The following CHRNA7 variants were observed in gnomAD, a reference collection of about 807,000 sequenced individuals.
The protein encoded by CHRNA7 is cholinergic receptor nicotinic alpha 7 subunit, also known as neuronal acetylcholine receptor subunit alpha-7.
A neutral mutation model predicts 48.0 loss-of-function variants in CHRNA7; 17 were observed. The observed-to-expected ratio is 0.35, with a 90% CI of 0.24 to 0.53. The LOEUF is 0.53. Ranked by LOEUF, CHRNA7 falls within the 20% of genes least tolerant of loss-of-function variation. The pLI, the probability that CHRNA7 is intolerant of heterozygous loss-of-function variation, is 0.92. For missense variants in CHRNA7, 155 were observed against 577.7 expected (o/e 0.27, Z 7.50); for synonymous variants, 75 against 242.3 (o/e 0.31, Z 6.41).
chr15:32,152,313 C>G (rs1054634075), intron 4 of CHRNA7, among the ~76,000 whole-genome samples: 1 of 152,058 alleles, frequency 6.6e-6, no homozygotes, highest in Non-Finnish European at 1.5e-5. Flanking sequence ...AGTGGTGGCA[C>G]GCACCTGTAA....
intron 2 of CHRNA7, among the ~76,000 whole-genome samples, chr15:32,031,465 C>T (rs1270279889): frequency 6.6e-6 from 1 of 152,216 alleles, no homozygotes; most frequent in African/African-American, 2.4e-5. Context: ...TATGTAACTT[C>T]TTTGGTGGGG....
At chr15:32,090,198 G>A (rs1182177527) in intron 2 of CHRNA7, among the ~76,000 whole-genome samples, 3 of 152,168 alleles carry the variant, frequency 2.0e-5, no homozygotes, top group Non-Finnish European at 4.4e-5. Flanking sequence ...GGCTGCTGGA[G>A]TGGGACCAGT....
intron 2 of CHRNA7, among the ~76,000 whole-genome samples, chr15:32,094,504 G>C (rs1476047670): frequency 1.3e-5 from 2 of 152,122 alleles, no homozygotes; most frequent in Non-Finnish European, 2.9e-5. Context: ...CAGTAATTAT[G>C]TGCCACCCCT....
chr15:32,066,577 G>A (rs746588961), intron 2 of CHRNA7, among the ~76,000 whole-genome samples: 17 of 152,178 alleles, frequency 1.1e-4, no homozygotes, highest in Non-Finnish European at 2.1e-4. Flanking sequence ...ACCATGCCCA[G>A]CCACATTGTA....
intron 2 of CHRNA7, among the ~76,000 whole-genome samples, chr15:32,070,115 T>G (rs1440907169): frequency 2.0e-5 from 3 of 152,208 alleles, no homozygotes; most frequent in Admixed American, 6.5e-5. Context: ...CTATATAGTT[T>G]AAGTATACAG....
intron 2 of CHRNA7, among the ~76,000 whole-genome samples, chr15:32,041,189 G>A (rs532033827): frequency 4.6e-5 from 7 of 152,092 alleles, no homozygotes; most frequent in Non-Finnish European, 2.9e-5. Context: ...TGGATGTGTG[G>A]TTTGGTGTTT....
intron 2 of CHRNA7, among the ~76,000 whole-genome samples, chr15:32,048,111 G>T (rs1011958500): frequency 6.6e-6 from 1 of 152,266 alleles, no homozygotes; most frequent in African/African-American, 2.4e-5. Context: ...ATGTTCATCA[G>T]GGATATTGGT....
At chr15:32,114,061 C>CATATATATATATATACAT (rs2050820142) in intron 4 of CHRNA7, among the ~76,000 whole-genome samples, 6 of 120,226 alleles carry the variant, frequency 5.0e-5, no homozygotes. Context: ...TATATATATA[C>CATATATATATATATACAT]ATATATATAT....
intron 4 of CHRNA7, among the ~76,000 whole-genome samples, chr15:32,115,727 C>T (rs2050858788): frequency 6.6e-6 from 1 of 152,130 alleles, no homozygotes; most frequent in South Asian, 2.1e-4. Flanking sequence ...CACTTAGGGT[C>T]TGCTACCTCT....
intron 4 of CHRNA7, among the ~76,000 whole-genome samples, chr15:32,142,732 G>A (rs940064271): frequency 6.6e-6 from 1 of 152,220 alleles, no homozygotes; most frequent in East Asian, 1.9e-4. Flanking sequence ...TTCTCTGACA[G>A]TATTTTGTAT....
At chr15:32,150,650 G>T (rs1486339963) in intron 4 of CHRNA7, among the ~76,000 whole-genome samples, 1 of 152,150 alleles carries the variant, frequency 6.6e-6, no homozygotes, top group African/African-American at 2.4e-5. Flanking sequence ...AGTCATTTGA[G>T]TGTGTGACTT....
rs192681349 is a variant in CHRNA7 at position 32,053,212 on chromosome 15, C to A, written c.195+22175C>A. 7.2e-5 allele frequency among the ~76,000 whole-genome samples: 11 copies of A among 152,240 alleles called. No individual in the cohort carries two copies. In the South Asian group the frequency reaches 8.3e-4, roughly 11 times the overall value. On this transcript the variant is annotated intron_variant, in intron 2 of 9. Transcript: ENST00000306901. The stretch of plus-strand genomic sequence containing the variant: ...AAAGGAATCTTTCTTGTAAATGTTG[C>A]CTTTCAAGGCTACCACTGAAGATAT...
intron 2 of CHRNA7, among the ~76,000 whole-genome samples, chr15:32,060,415 T>C (rs1595398586): frequency 6.6e-6 from 1 of 152,214 alleles, no homozygotes; most frequent in Non-Finnish European, 1.5e-5. Flanking sequence ...AAATAAATTA[T>C]GCATTTTCAC....
intron 2 of CHRNA7, among the ~76,000 whole-genome samples, chr15:32,066,138 T>C (rs1249072294): frequency 6.6e-6 from 1 of 152,264 alleles, no homozygotes; most frequent in Non-Finnish European, 1.5e-5. Context: ...GCAACTCATA[T>C]AACAAAGGAA....
At chr15:32,122,352 C>G (rs907809072) in intron 4 of CHRNA7, among the ~76,000 whole-genome samples, 3 of 152,168 alleles carry the variant, frequency 2.0e-5, no homozygotes, top group African/African-American at 7.2e-5. Flanking sequence ...GGTATGGGTC[C>G]TATCCCGAGA....
intron 2 of CHRNA7, among the ~76,000 whole-genome samples, chr15:32,049,987 G>T (rs1178177404): frequency 2.0e-5 from 3 of 152,154 alleles, no homozygotes; most frequent in African/African-American, 7.2e-5. Flanking sequence ...ACTCTCTTCT[G>T]GCTTGTAGAG....
intron 4 of CHRNA7, among the ~76,000 whole-genome samples, chr15:32,151,213 C>A (rs535602493): frequency 6.6e-6 from 1 of 152,202 alleles, no homozygotes; most frequent in South Asian, 2.1e-4. Flanking sequence ...CTCATTATAT[C>A]TCCTCTTTCT....
chr15:32,031,061 C>T (rs1332251228), intron 2 of CHRNA7, 24 bp downstream of exon 2: 1 of 1,612,992 alleles, frequency 6.2e-7, no homozygotes. Flanking sequence ...GGCTACAGGG[C>T]TGCCCTCTCC....
At chr15:32,031,672 C>T (rs1166976629) in intron 2 of CHRNA7, among the ~76,000 whole-genome samples, 1 of 152,226 alleles carries the variant, frequency 6.6e-6, no homozygotes, top group African/African-American at 2.4e-5. Context: ...AGGCAGCTGC[C>T]ATCAGTTCCG....
Sources: gnomAD v4.1 joint callset for allele counts (sites outside exome capture counted in the v4.1 genomes callset) on GRCh38, gnomAD v4.1.1 for gene constraint, MANE v1.5 for transcripts, NCBI Gene and HGNC (gene_info 2026-07-23, HGNC 2026-07-21) for gene names.